ATXN7L1: variants seen among roughly 807,000 people sequenced by gnomAD.
The protein encoded by ATXN7L1 is ataxin-7-like protein 1.
In ATXN7L1, 15 loss-of-function variants were observed where a neutral mutation model predicts 70.8. The ratio of observed to expected loss-of-function variants is 0.21; its 90% confidence interval spans 0.14 to 0.33. The LOEUF (loss-of-function observed/expected upper bound fraction) is 0.33, where lower values mean the gene tolerates loss of function less well. Ranked by LOEUF, ATXN7L1 falls within the 10% of genes least tolerant of loss-of-function variation. ATXN7L1 has a pLI of 1.00. For missense variants in ATXN7L1, 975 were observed against 1,097.1 expected, an observed-to-expected ratio of 0.89 and a Z score of 1.57; for synonymous variants, 440 against 445.1, an observed-to-expected ratio of 0.99 and a Z score of 0.14.
chr7:105,653,397 G>A (rs1326191648), intron 4 of ATXN7L1, among the ~76,000 whole-genome samples: 3 of 152,130 alleles, frequency 2.0e-5, no homozygotes, highest in African/African-American at 2.4e-5. Flanking sequence ...ACAGTGAGCC[G>A]AGATCGTGTC....
chr7:105,614,235 A>T lies in ATXN7L1; in HGVS notation c.2099T>A (p.Val700Glu). The T allele has an allele frequency of 6.4e-7, 1 of 1,551,764 alleles. No homozygotes were observed. The highest frequency in any genetic ancestry group is 8.7e-7 in the Non-Finnish European group (1 of 1,147,008). ...GCTCACCCCATTGTTTGAGTTGTGC[A>T]CAGACAGGCTGTTATAGGGAGGGGC... Reference protein sequence around the residue: ...QAAPPYNSLSVHNSNNGVSPL... With the variant: ...QAAPPYNSLSEHNSNNGVSPL... The change falls in exon 10 of 12, where the codon GTG (valine) becomes GAG (glutamate). Residue 700 changes from valine (V) to glutamate (E), a missense_variant. Physicochemically the swap from Val to Glu is moderately radical, Grantham distance 121 (BLOSUM62 -2). This residue lies in a region of ATXN7L1 where 635 missense variants were observed against 699.4 expected (regional missense o/e 0.91). Transcript: ENST00000419735. The surrounding 1 kb of genome is among the most constrained non-coding windows in gnomAD (Gnocchi z 4.3).
chr7:105,799,626 C>T (rs1806519256), intron 2 of ATXN7L1, among the ~76,000 whole-genome samples: 1 of 152,102 alleles, frequency 6.6e-6, no homozygotes, highest in Non-Finnish European at 1.5e-5. Flanking sequence ...CTATGGAACG[C>T]CTTTAGTCAA....
chr7:105,733,557 C>T (rs75117605), intron 3 of ATXN7L1, among the ~76,000 whole-genome samples: 2,187 of 19,536 alleles, frequency 0.11, 43 homozygotes, highest in African/African-American at 0.16. Flanking sequence ...CATCCATCCA[C>T]CCATCCATCC....
chr7:105,677,257 A>C (rs945319449), intron 3 of ATXN7L1, among the ~76,000 whole-genome samples: 4 of 152,208 alleles, frequency 2.6e-5, no homozygotes, highest in Non-Finnish European at 5.9e-5. Context: ...TGGAATCAGA[A>C]AGATCTGGGC....
intron 3 of ATXN7L1, among the ~76,000 whole-genome samples, chr7:105,712,420 A>G (rs1243471990): frequency 6.6e-6 from 1 of 152,196 alleles, no homozygotes; most frequent in Non-Finnish European, 1.5e-5. Flanking sequence ...AATTTTCCAA[A>G]CTTTTATGCT....
Position 105,688,600 on chromosome 7 carries a change from TTC to T in ATXN7L1, c.356-23314_356-23313del, listed in dbSNP as rs372758139. Among the ~76,000 whole-genome samples, 4 of 151,614 alleles carry T rather than the reference TTC, an allele frequency of 2.6e-5. No homozygotes were observed. The East Asian group carries it at 5.8e-4, about 22-fold the overall frequency. On this transcript the variant is annotated intron_variant, in intron 3 of 11. Transcript: ENST00000419735. ...TGTTTTCAGAGGGTCAGTCAGGGAA[TTC>T]TCTCTCTCTCTACCTTATGCCCTGG...
chr7:105,641,099 G>T (rs1798104830), intron 5 of ATXN7L1, among the ~76,000 whole-genome samples: 1 of 151,590 alleles, frequency 6.6e-6, no homozygotes. Context: ...TGGTGTTACT[G>T]ATGATATGCA....
At chr7:105,846,500 C>G (rs933723131) in intron 2 of ATXN7L1, among the ~76,000 whole-genome samples, 1 of 152,066 alleles carries the variant, frequency 6.6e-6, no homozygotes. Context: ...AAATTAGAAC[C>G]CTCATACATT....
At chr7:105,662,023 T>TTCCTTCC (rs1562967127) in intron 4 of ATXN7L1, among the ~76,000 whole-genome samples, 224 of 65,482 alleles carry the variant, frequency 3.4e-3, no homozygotes, top group Middle Eastern at 8.6e-3. Context: ...TCTTTCTTTC[T>TTCCTTCC]TTCTTTCCTT....
chr7:105,839,696 T>C (rs939301403), intron 2 of ATXN7L1, among the ~76,000 whole-genome samples: 1 of 152,142 alleles, frequency 6.6e-6, no homozygotes, highest in Non-Finnish European at 1.5e-5. Flanking sequence ...AGAGGACTGA[T>C]GAGTATCTAC....
chr7:105,669,348 G>C, intron 3 of ATXN7L1, among the ~76,000 whole-genome samples: 1 of 152,074 alleles, frequency 6.6e-6, no homozygotes, highest in Admixed American at 6.6e-5. Flanking sequence ...ACAGGTGTGA[G>C]CCACCATGCC....
chr7:105,624,700 G>T (rs1407406803), intron 7 of ATXN7L1, among the ~76,000 whole-genome samples: 1 of 151,518 alleles, frequency 6.6e-6, no homozygotes, highest in East Asian at 1.9e-4. Flanking sequence ...CCTCAGGGAG[G>T]GCACATTGGT....
At chr7:105,826,272 G>C (rs1810858173) in intron 2 of ATXN7L1, among the ~76,000 whole-genome samples, 1 of 152,192 alleles carries the variant, frequency 6.6e-6, no homozygotes, top group Non-Finnish European at 1.5e-5. Flanking sequence ...TGGAGAACTG[G>C]GTTCTGGCTC....
chr7:105,649,512 A>T, intron 4 of ATXN7L1: 1 of 987,784 alleles, frequency 1.0e-6, no homozygotes, highest in Non-Finnish European at 1.2e-6. Context: ...GCTTTAAGAA[A>T]CATGGTTCTC....
At chr7:105,700,011 C>T (rs1412585727) in intron 3 of ATXN7L1, among the ~76,000 whole-genome samples, 2 of 152,214 alleles carry the variant, frequency 1.3e-5, no homozygotes, top group East Asian at 1.9e-4. Context: ...TGGACCATGG[C>T]GTGGAGCTGA....
intron 3 of ATXN7L1, among the ~76,000 whole-genome samples, chr7:105,677,613 TGGC>T: frequency 6.6e-6 from 1 of 152,196 alleles, no homozygotes; most frequent in Non-Finnish European, 1.5e-5. Context: ...ATGTAGAAGG[TGGC>T]TACCACAGTG....
chr7:105,709,909 G>A (rs778565950), intron 3 of ATXN7L1, among the ~76,000 whole-genome samples: 92 of 149,326 alleles, frequency 6.2e-4, no homozygotes, highest in Non-Finnish European at 1.5e-5. Context: ...GTCTCATTCT[G>A]TTGCACAGAC....
intron 3 of ATXN7L1, among the ~76,000 whole-genome samples, chr7:105,767,888 C>T (rs561722303): frequency 2.3e-4 from 35 of 152,324 alleles, no homozygotes; most frequent in Non-Finnish European, 4.4e-4. Context: ...CTCTGGAGTT[C>T]GACTGGTACT....
rs1191774371 is a variant in ATXN7L1 at position 105,619,140 on chromosome 7, G to GTTTTTTTTTTTTTTTTTTTTTTTTTT, written c.1517+1059_1517+1060insAAAAAAAAAAAAAAAAAAAAAAAAAA. 4.0e-5 allele frequency among the ~76,000 whole-genome samples: 2 copies of GTTTTTTTTTTTTTTTTTTTTTTTTTT among 49,844 alleles called. 1 individual carries two copies. Among genetic ancestry groups the GTTTTTTTTTTTTTTTTTTTTTTTTTT allele is most frequent in the East Asian group, 1.6e-3 (2 of 1,224 alleles). 32.7% of individuals were successfully genotyped at this position (49,844 alleles called of 152,430 possible). A position where few individuals can be genotyped will look rare whatever the true frequency, so the allele number is the denominator to read the frequency against. On this transcript the variant is annotated intron_variant, in intron 9 of 11. Coordinates refer to ENST00000419735, the MANE Select transcript of ATXN7L1 (RefSeq NM_020725.2). The stretch of plus-strand genomic sequence containing the variant: ...GTCCACAACCATAATGAAATCTTTA[G>GTTTTTTTTTTTTTTTTTTTTTTTTTT]TTTTTTTTTTTTTTTTTTTTTTTTT...
Sources: allele counts gnomAD v4.1 joint callset (sites outside exome capture counted in the v4.1 genomes callset), GRCh38; gene constraint gnomAD v4.1.1; regional missense constraint gnomAD v4.1.1; non-coding constraint Gnocchi (gnomAD v3.1); transcripts MANE v1.5; gene names NCBI Gene and HGNC (gene_info 2026-07-23, HGNC 2026-07-21).